NALF1: variants seen among roughly 807,000 people sequenced by gnomAD.
The protein encoded by NALF1 is NALCN channel auxiliary factor 1, also known as family with sequence similarity 155 member A.
Under a neutral mutation model 48.4 loss-of-function variants are expected in NALF1, and 3 were observed. The ratio of observed to expected loss-of-function variants is 0.06; its 90% confidence interval spans 0.03 to 0.16. NALF1 has a LOEUF of 0.16. Among genes scored for constraint, NALF1 ranks in the 10% least tolerant of loss-of-function variants. The pLI, the probability that NALF1 is intolerant of heterozygous loss-of-function variation, is 1.00. For missense variants in NALF1, 526 were observed against 571.5 expected (o/e 0.92, Z 0.81); for synonymous variants, 262 against 245.7 (o/e 1.07, Z -0.62).
intron 1 of NALF1, among the ~76,000 whole-genome samples, chr13:107,231,881 C>T (rs1880234060): frequency 6.6e-6 from 1 of 152,152 alleles, no homozygotes; most frequent in South Asian, 2.1e-4. Flanking sequence ...TCCCTAGGAG[C>T]AGGAAAGTTT....
chr13:107,658,970 A>G (rs1224719636), intron 1 of NALF1, among the ~76,000 whole-genome samples: 1 of 152,054 alleles, frequency 6.6e-6, no homozygotes, highest in Non-Finnish European at 1.5e-5. Flanking sequence ...CACCTGCTCC[A>G]TAAAGCTCCA....
At chr13:107,719,291 G>A (rs1260292507) in intron 1 of NALF1, among the ~76,000 whole-genome samples, 2 of 152,066 alleles carry the variant, frequency 1.3e-5, no homozygotes, top group African/African-American at 2.4e-5. Context: ...TTGACCACTG[G>A]CAGTTCTTTG....
intron 1 of NALF1, among the ~76,000 whole-genome samples, chr13:107,728,708 A>G (rs986406470): frequency 1.3e-5 from 2 of 151,226 alleles, no homozygotes; most frequent in Admixed American, 6.6e-5. Context: ...ATAAATAAAT[A>G]AATAAATAAA....
chr13:107,661,430 T>TA (rs1880732162), intron 1 of NALF1, among the ~76,000 whole-genome samples: 1 of 152,202 alleles, frequency 6.6e-6, no homozygotes, highest in Non-Finnish European at 1.5e-5. Flanking sequence ...GTTTATGACA[T>TA]ATTCAAGGAT....
intron 1 of NALF1, among the ~76,000 whole-genome samples, chr13:107,462,614 C>T (rs145425700): frequency 0.018 from 2,773 of 152,300 alleles, 44 homozygotes; most frequent in Non-Finnish European, 0.029. Flanking sequence ...CTGGCCCCTG[C>T]CTGGCTCCTG....
chr13:107,695,077 A>G (rs1881669160), intron 1 of NALF1, among the ~76,000 whole-genome samples: 1 of 152,098 alleles, frequency 6.6e-6, no homozygotes. Flanking sequence ...ATGGACGTGA[A>G]CCACCACACC....
intron 1 of NALF1, among the ~76,000 whole-genome samples, chr13:107,315,139 T>G (rs1174704036): frequency 6.6e-6 from 1 of 152,078 alleles, no homozygotes. Context: ...CCTTTCTGAA[T>G]GCCCTTTCTT....
chr13:107,777,236 T>C (rs1043460538), intron 1 of NALF1, among the ~76,000 whole-genome samples: 1 of 152,114 alleles, frequency 6.6e-6, no homozygotes, highest in African/African-American at 2.4e-5. Flanking sequence ...ATTTTATAGG[T>C]AAGAAAATTA....
At chr13:107,736,869 A>G (rs947329536) in intron 1 of NALF1, among the ~76,000 whole-genome samples, 1 of 152,230 alleles carries the variant, frequency 6.6e-6, no homozygotes, top group African/African-American at 2.4e-5. Flanking sequence ...AAGCTAAAAC[A>G]AAATGAATGC....
At chr13:107,727,822 C>A (rs1876201756) in intron 1 of NALF1, among the ~76,000 whole-genome samples, 1 of 151,280 alleles carries the variant, frequency 6.6e-6, no homozygotes, top group South Asian at 2.2e-4. Flanking sequence ...GGAACTTAAA[C>A]AAATTTACAA....
chr13:107,751,137 T>A (rs1269551949), intron 1 of NALF1, among the ~76,000 whole-genome samples: 2 of 152,224 alleles, frequency 1.3e-5, no homozygotes, highest in Non-Finnish European at 2.9e-5. Flanking sequence ...TCCAGAAAAT[T>A]ATCTATTTTG....
chr13:107,808,669 T>TAAAA (rs78364102), intron 1 of NALF1, among the ~76,000 whole-genome samples: 1 of 147,488 alleles, frequency 6.8e-6, no homozygotes, highest in Non-Finnish European at 1.5e-5. Flanking sequence ...TATACAGATT[T>TAAAA]AAAAAAAAAA....
At chr13:107,824,011 C>A (rs574608740) in intron 1 of NALF1, among the ~76,000 whole-genome samples, 23 of 129,850 alleles carry the variant, frequency 1.8e-4, no homozygotes, top group African/African-American at 6.5e-4. Flanking sequence ...ATTATTGGTC[C>A]CCATCATTCC....
At position 107,866,231 on chromosome 13, in the gene NALF1, G is replaced by A. The variant is rs752946762; in HGVS notation, c.366C>T (p.Leu122=). The change falls in exon 1 of 3, where the codon CTC becomes CTT. Residue 122 remains leucine, a synonymous_variant. Transcript: ENST00000375915. This position sits in a 1 kb window ranked among gnomAD's most constrained non-coding sequence, Gnocchi z 4.4. ...GGGTGGGGGACGAGGAGGCGGAGAG[G>A]AGTCTGTGTGCCTGGGCGGCGGGCG... is the stretch of plus-strand genomic sequence containing the variant. The part of the protein sequence containing the change: ...ESSPAAQAHR[L]LSASSSPTLP... 2 of 1,594,960 alleles carry A rather than the reference G, an allele frequency of 1.3e-6. No individual in the cohort carries two copies. The highest frequency in any genetic ancestry group is 2.2e-5 in the East Asian group (1 of 44,592).
intron 1 of NALF1, among the ~76,000 whole-genome samples, chr13:107,735,339 A>G (rs1876435913): frequency 6.6e-6 from 1 of 152,236 alleles, no homozygotes; most frequent in East Asian, 1.9e-4. Context: ...GTGATCAGGA[A>G]TATAACATGG....
At chr13:107,266,299 T>C (rs1881036703) in intron 1 of NALF1, among the ~76,000 whole-genome samples, 1 of 152,218 alleles carries the variant, frequency 6.6e-6, no homozygotes, top group Non-Finnish European at 1.5e-5. Flanking sequence ...CTATCCCTAT[T>C]ATGTTATCAT....
chr13:107,706,863 G>C (rs1875386035), intron 1 of NALF1, among the ~76,000 whole-genome samples: 1 of 148,158 alleles, frequency 6.7e-6, no homozygotes, highest in African/African-American at 2.5e-5. Context: ...CTGCTTAATT[G>C]TTGAAAACAT....
At chr13:107,290,218 C>T (rs9558999) in intron 1 of NALF1, among the ~76,000 whole-genome samples, 15 of 149,264 alleles carry the variant, frequency 1.0e-4, no homozygotes, top group Non-Finnish European at 1.9e-4. Flanking sequence ...CATTTTGCCA[C>T]AAATTATGTT....
chr13:107,748,442 T>C (rs149234606), intron 1 of NALF1, among the ~76,000 whole-genome samples: 5 of 152,348 alleles, frequency 3.3e-5, no homozygotes, highest in Admixed American at 2.0e-4. Context: ...CACACTGGCA[T>C]TGACTAGTTT....
Sources: allele counts gnomAD v4.1 joint callset (sites outside exome capture counted in the v4.1 genomes callset), GRCh38; gene constraint gnomAD v4.1.1; non-coding constraint Gnocchi (gnomAD v3.1); transcripts MANE v1.5; gene names NCBI Gene and HGNC (gene_info 2026-07-23, HGNC 2026-07-21).